ATP5PO: variants seen among roughly 807,000 people sequenced by gnomAD.
ATP5PO encodes ATP synthase peripheral stalk subunit OSCP.
ATP5PO carries 14 observed loss-of-function variants against 26.2 expected under a neutral mutation model. That is an observed-to-expected ratio of 0.53 (90% confidence interval 0.35 to 0.83). The LOEUF is 0.83. Ranked by LOEUF, ATP5PO falls within the 40% of genes least tolerant of loss-of-function variation. The probability of loss-of-function intolerance (pLI) is 0.01; values close to 1 mark genes in which losing one functional copy is unlikely to be tolerated. For synonymous variants in ATP5PO, 106 were observed against 95.1 expected (o/e 1.12, Z -0.67); for missense variants, 241 against 258.5 (o/e 0.93, Z 0.46).
At position 33,909,092 on chromosome 21, in the gene ATP5PO, G is replaced by A. The variant is rs1987213623; in HGVS notation, c.318C>T (p.Thr106=). ...AGTTCTAATACTCACTGATCAGATT[G>A]GTAGTGAGGGGAGAGAACCTCTCTT... ...TAKERFSPLT[T]NLINLLAENG... is the part of the protein sequence containing the mutation. Residue 106 remains threonine, a synonymous_variant, in exon 4 of 7, where the codon ACC becomes ACT. Coordinates refer to ENST00000290299, the MANE Select transcript of ATP5PO (RefSeq NM_001697.3). The A allele has an allele frequency of 5.0e-6, 8 of 1,610,054 alleles. No homozygotes were observed. Among genetic ancestry groups the A allele is most frequent in the Non-Finnish European group, 5.9e-6 (7 of 1,176,962 alleles).
intron 2 of ATP5PO, among the ~76,000 whole-genome samples, chr21:33,914,057 C>A (rs1182020270): frequency 6.6e-6 from 1 of 152,010 alleles, no homozygotes. Context: ...GGACTACAGG[C>A]GTGAGCCACC....
chr21:33,909,645 A>G (rs1263868284), intron 3 of ATP5PO, among the ~76,000 whole-genome samples: 4 of 152,096 alleles, frequency 2.6e-5, no homozygotes, highest in Admixed American at 2.0e-4. Context: ...AAAGATTATA[A>G]TCAAACAATT....
Position 33,909,069 on chromosome 21 carries a change from T to C in ATP5PO, c.328+13A>G, listed in dbSNP as rs558873630. 5 of 1,597,964 alleles carry C rather than the reference T, an allele frequency of 3.1e-6. No individual in the cohort carries two copies. The African/African-American group carries it at 6.8e-5, about 22-fold the overall frequency. On this transcript the variant is annotated intron_variant, in intron 4 of 6. Coordinates refer to ENST00000290299, the MANE Select transcript of ATP5PO (RefSeq NM_001697.3). ...TTTCAAGACACCTCAAATGAAAAAG[T>C]TCTAATACTCACTGATCAGATTGGT...
At chr21:33,915,543 G>T (rs961275199) in intron 1 of ATP5PO, 185 bp downstream of exon 1, 1 of 875,076 alleles carries the variant, frequency 1.1e-6, no homozygotes, top group Non-Finnish European at 1.7e-6. Flanking sequence ...CGCGCCTACT[G>T]CCCCGTAGGC....
chr21:33,909,745 A>G (rs1422012376), intron 3 of ATP5PO, among the ~76,000 whole-genome samples: 3 of 152,346 alleles, frequency 2.0e-5, no homozygotes, highest in Admixed American at 1.3e-4. Context: ...TACTGTACGA[A>G]CTTTCTTAAA....
chr21:33,912,258 T>C lies in ATP5PO; in HGVS notation c.198+31A>G, dbSNP rs199872694. 57 of 1,565,958 alleles carry C rather than the reference T, an allele frequency of 3.6e-5. No homozygotes were observed. The African/African-American group carries it at 7.5e-4, about 20-fold the overall frequency. ...AAGGAAAAAATATACAAACAGGAAC[T>C]TCATATGTAATGAATAGGAAAGCTA... On this transcript the variant is annotated intron_variant, in intron 3 of 6. Coordinates refer to ENST00000290299, the MANE Select transcript of ATP5PO (RefSeq NM_001697.3).
intron 2 of ATP5PO, among the ~76,000 whole-genome samples, chr21:33,912,968 GA>G (rs1182632623): frequency 6.6e-6 from 1 of 152,188 alleles, no homozygotes; most frequent in Non-Finnish European, 1.5e-5. Flanking sequence ...ATAAACTATA[GA>G]CTTTTTTTCT....
Position 33,909,382 on chromosome 21 carries a change from C to T in ATP5PO, c.199-171G>A, listed in dbSNP as rs564169870. 7.9e-5 allele frequency among the ~76,000 whole-genome samples: 12 copies of T among 152,200 alleles called. 1 individual carries two copies. Among genetic ancestry groups the T allele is most frequent in the East Asian group, 3.9e-4 (2 of 5,172 alleles). ...ACAACCTCCACATCCCGGGTTCAAG[C>T]GATTATCCTGCCTCAGCCTCCCGAA... On this transcript the variant is annotated intron_variant, in intron 3 of 6. Transcript: ENST00000290299.
chr21:33,905,926 A>G (rs1403160992), intron 5 of ATP5PO, among the ~76,000 whole-genome samples: 3 of 150,174 alleles, frequency 2.0e-5, no homozygotes, highest in Non-Finnish European at 3.0e-5. Context: ...AAGAAAAAAA[A>G]AAAAAAAAAA....
intron 1 of ATP5PO, 57 bp downstream of exon 1, chr21:33,915,671 T>G: frequency 6.5e-7 from 1 of 1,545,354 alleles, no homozygotes; most frequent in Non-Finnish European, 8.7e-7. Flanking sequence ...CGAGGTTTGG[T>G]ACCGGTCATC....
At chr21:33,905,195 TCGTGTTCAAAA>T (rs1987153893) in intron 5 of ATP5PO, among the ~76,000 whole-genome samples, 1 of 152,156 alleles carries the variant, frequency 6.6e-6, no homozygotes, top group African/African-American at 2.4e-5. Flanking sequence ...CAGAATCTAT[TCGTGTTCAAAA>T]CATGATTTAC....
intron 5 of ATP5PO, chr21:33,907,064 T>TAC: frequency 2.3e-6 from 1 of 437,982 alleles, no homozygotes; most frequent in Non-Finnish European, 4.2e-6. Context: ...AAACATATAA[T>TAC]AGAGTCTAAA....
intron 5 of ATP5PO, among the ~76,000 whole-genome samples, chr21:33,904,412 GACACGA>G (rs1987142141): frequency 6.6e-6 from 1 of 152,178 alleles, no homozygotes; most frequent in Non-Finnish European, 1.5e-5. Context: ...CAGCCCTGGG[GACACGA>G]CATGCATCTA....
At chr21:33,914,379 CCT>C in intron 2 of ATP5PO, 69 bp downstream of exon 2, 1 of 1,480,000 alleles carries the variant, frequency 6.8e-7, no homozygotes, top group South Asian at 1.2e-5. Context: ...AAATCCACGC[CCT>C]GACTGTACTG....
chr21:33,903,835 TTAGTA>T (rs1295684460), intron 6 of ATP5PO, 95 bp downstream of exon 6: 34 of 1,173,944 alleles, frequency 2.9e-5, no homozygotes, highest in Non-Finnish European at 4.1e-5. Flanking sequence ...TACAGAAAAA[TTAGTA>T]TAGAGTTAGA....
At chr21:33,908,208 CTTG>C (rs1228704803) in intron 4 of ATP5PO, among the ~76,000 whole-genome samples, 1 of 147,908 alleles carries the variant, frequency 6.8e-6, no homozygotes, top group African/African-American at 2.5e-5. Context: ...GAAGATACAA[CTTG>C]TTATTTAAAA....
intron 2 of ATP5PO, 28 bp from the exon 3 acceptor site, chr21:33,912,427 G>A: frequency 1.3e-6 from 2 of 1,530,316 alleles, no homozygotes; most frequent in Non-Finnish European, 1.8e-6. Context: ...AATAGGAGAG[G>A]AAAGAAAAAG....
At chr21:33,906,623 G>C (rs1987176478) in intron 5 of ATP5PO, 1 of 454,550 alleles carries the variant, frequency 2.2e-6, no homozygotes, top group Non-Finnish European at 4.4e-6. Context: ...CCACTATCAA[G>C]TCAAAAAGAT....
At chr21:33,907,880 A>T (rs79481530) in intron 4 of ATP5PO, among the ~76,000 whole-genome samples, 2,916 of 152,324 alleles carry the variant, frequency 0.019, 103 homozygotes, top group African/African-American at 0.066. Flanking sequence ...GGCCAAGTGC[A>T]GTGGCTCATG....
Sources: allele counts gnomAD v4.1 joint callset (sites outside exome capture counted in the v4.1 genomes callset), GRCh38; gene constraint gnomAD v4.1.1; transcripts MANE v1.5; gene names NCBI Gene and HGNC (gene_info 2026-07-23, HGNC 2026-07-21).